MACROH2A2: variants seen among roughly 807,000 people sequenced by gnomAD.
MACROH2A2 encodes the protein core histone macro-H2A.2.
MACROH2A2 carries 6 observed loss-of-function variants against 37.6 expected under a neutral mutation model. The observed-to-expected ratio is 0.16, with a 90% confidence interval of 0.09 to 0.32. The LOEUF (loss-of-function observed/expected upper bound fraction) is 0.32, where lower values mean the gene tolerates loss of function less well. Ranked by LOEUF, MACROH2A2 falls within the 10% of genes least tolerant of loss-of-function variation. The pLI is 1.00. For missense variants in MACROH2A2, 290 were observed against 485.9 expected (o/e 0.60, Z 3.79); for synonymous variants, 192 against 202.7 (o/e 0.95, Z 0.45).
intron 7 of MACROH2A2, among the ~76,000 whole-genome samples, chr10:70,104,412 C>T (rs1348763722): frequency 1.3e-5 from 2 of 150,752 alleles, no homozygotes; most frequent in East Asian, 1.9e-4. Flanking sequence ...CATGGTGGCT[C>T]ACGCCTGTAA....
Position 70,053,411 on chromosome 10 carries a change from G to A in MACROH2A2, c.-60+411G>A, listed in dbSNP as rs1469731236. 6.6e-6 allele frequency among the ~76,000 whole-genome samples: 1 copy of A among 151,836 alleles called. No homozygotes were observed. The highest frequency in any genetic ancestry group is 1.5e-5 in the Non-Finnish European group (1 of 67,880). Reference sequence around the variant, plus strand: ...GACGGAGGCGCCCGGCCGCCGATGGGCACGGGGCGATGGGTGGGGGGCTGC... The same window carrying A: ...GACGGAGGCGCCCGGCCGCCGATGGACACGGGGCGATGGGTGGGGGGCTGC... On this transcript the variant is annotated intron_variant, in intron 1 of 8. Transcript: ENST00000373255. The surrounding 1 kb of genome is among the most constrained non-coding windows in gnomAD (Gnocchi z 4.8).
chr10:70,068,173 T>C (rs2072089588), intron 1 of MACROH2A2, among the ~76,000 whole-genome samples: 1 of 152,230 alleles, frequency 6.6e-6, no homozygotes, highest in South Asian at 2.1e-4. Context: ...TTAAATAATT[T>C]CTTTAACTTT....
Position 70,108,063 on chromosome 10 carries a change from T to A in MACROH2A2, c.779-970T>A, listed in dbSNP as rs549819818. On this transcript the variant is annotated intron_variant, in intron 7 of 8. Transcript: ENST00000373255. ...GCAAAACCTCATCTCTATAAAAAAA[T>A]TTTAAAAATTAGCACATGCCTGTAA... is the stretch of plus-strand genomic sequence containing the variant. Among the ~76,000 whole-genome samples, 5 of 151,942 alleles carry A rather than the reference T, an allele frequency of 3.3e-5. No individual in the cohort carries two copies. In the East Asian group the frequency reaches 7.8e-4, roughly 24 times the overall value.
intron 2 of MACROH2A2, among the ~76,000 whole-genome samples, chr10:70,080,171 C>T (rs2072166873): frequency 6.6e-6 from 1 of 151,472 alleles, no homozygotes; most frequent in Non-Finnish European, 1.5e-5. Context: ...CCCAGCTACT[C>T]GTGAGGCTGA....
At chr10:70,103,299 C>T (rs1390098932) in intron 7 of MACROH2A2, among the ~76,000 whole-genome samples, 1 of 152,156 alleles carries the variant, frequency 6.6e-6, no homozygotes, top group African/African-American at 2.4e-5. Context: ...TCCCCAGAAA[C>T]TGCCTGATAG....
chr10:70,079,561 G>GCGCGCGCGCGCA, intron 2 of MACROH2A2, among the ~76,000 whole-genome samples: 1 of 83,722 alleles, frequency 1.2e-5, no homozygotes, highest in South Asian at 4.1e-4. Flanking sequence ...TCGCGCGCGC[G>GCGCGCGCGCGCA]CGCGCACACA....
intron 2 of MACROH2A2, among the ~76,000 whole-genome samples, chr10:70,088,875 G>T (rs1349845878): frequency 6.6e-6 from 1 of 152,202 alleles, no homozygotes; most frequent in Non-Finnish European, 1.5e-5. Flanking sequence ...AGGCCCAGGC[G>T]GGTGGATCAC....
chr10:70,081,920 C>T (rs1162312218), intron 2 of MACROH2A2, among the ~76,000 whole-genome samples: 1 of 152,230 alleles, frequency 6.6e-6, no homozygotes, highest in African/African-American at 2.4e-5. Flanking sequence ...AATTATTACA[C>T]ATTTAATGCC....
At chr10:70,090,289 A>G in intron 3 of MACROH2A2, 123 bp downstream of exon 3, 1 of 663,192 alleles carries the variant, frequency 1.5e-6, no homozygotes, top group Non-Finnish European at 2.7e-6. Flanking sequence ...AAAAAAACTC[A>G]GGCCATATAA....
intron 1 of MACROH2A2, among the ~76,000 whole-genome samples, chr10:70,058,939 A>G (rs1156297726): frequency 6.6e-6 from 1 of 151,942 alleles, no homozygotes; most frequent in African/African-American, 2.4e-5. Context: ...ACTAAACTGA[A>G]TTTTCACCTC....
chr10:70,078,344 C>A (rs1196881266), intron 2 of MACROH2A2, among the ~76,000 whole-genome samples: 1 of 152,216 alleles, frequency 6.6e-6, no homozygotes, highest in Admixed American at 6.5e-5. Context: ...CTCCTGCCCC[C>A]GGCCAGTCCC....
intron 2 of MACROH2A2, among the ~76,000 whole-genome samples, chr10:70,088,301 T>C (rs1205162255): frequency 6.6e-6 from 1 of 151,630 alleles, no homozygotes; most frequent in Non-Finnish European, 1.5e-5. Flanking sequence ...ATGCACACTT[T>C]CCCCCCTCAT....
At chr10:70,085,522 C>T (rs138957071) in intron 2 of MACROH2A2, among the ~76,000 whole-genome samples, 22 of 152,276 alleles carry the variant, frequency 1.4e-4, no homozygotes, top group African/African-American at 5.1e-4. Context: ...CCTGTCCCAA[C>T]CCTATAATTA....
rs774639581 is a variant in MACROH2A2, at chr10:70,075,623, A to G, written c.-36A>G. 6.8e-6 allele frequency: 11 copies of G among 1,606,382 alleles called. No homozygotes were observed. The highest frequency in any genetic ancestry group is 8.5e-6 in the Non-Finnish European group (10 of 1,173,410). ...AGCATTGTGTTAGTGCCGGGAGGCC[A>G]CTGTGTCAGCAAGCTGAGAGGGAAA... On this transcript the variant is annotated 5_prime_UTR_variant, in exon 2 of 9. Transcript: ENST00000373255. This position sits in a 1 kb window ranked among gnomAD's most constrained non-coding sequence, Gnocchi z 5.0.
Position 70,107,406 on chromosome 10 carries a change from G to C in MACROH2A2, c.779-1627G>C, listed in dbSNP as rs189434239. 6.6e-6 allele frequency among the ~76,000 whole-genome samples: 1 copy of C among 152,364 alleles called. No individual in the cohort carries two copies. The highest frequency in any genetic ancestry group is 2.4e-5 in the African/African-American group (1 of 41,586). Reference sequence around the variant, plus strand: ...TGGAATACGGCGGACACACGTTTCTGTTACAAGTGCTGCCCCTAGTGGCCA... The same window carrying C: ...TGGAATACGGCGGACACACGTTTCTCTTACAAGTGCTGCCCCTAGTGGCCA... On this transcript the variant is annotated intron_variant, in intron 7 of 8. Transcript: ENST00000373255. This position sits in a 1 kb window ranked among gnomAD's most constrained non-coding sequence, Gnocchi z 4.4.
chr10:70,111,459 A>T (rs2072373995), intron 8 of MACROH2A2, 59 bp from the exon 9 acceptor site: 1 of 1,499,640 alleles, frequency 6.7e-7, no homozygotes, highest in Non-Finnish European at 9.2e-7. Flanking sequence ...AAGGCACTTC[A>T]TGCTCCCATG....
At chr10:70,061,970 T>C (rs1044239200) in intron 1 of MACROH2A2, among the ~76,000 whole-genome samples, 5 of 152,222 alleles carry the variant, frequency 3.3e-5, no homozygotes, top group Admixed American at 2.0e-4. Flanking sequence ...ACTATAATGA[T>C]TTGCCCTTGG....
At chr10:70,102,220 C>T (rs2072310767) in intron 7 of MACROH2A2, among the ~76,000 whole-genome samples, 1 of 152,200 alleles carries the variant, frequency 6.6e-6, no homozygotes, top group South Asian at 2.1e-4. Flanking sequence ...GGGTGGGACA[C>T]AGAGGGCAAT....
chr10:70,106,280 A>G (rs969408463), intron 7 of MACROH2A2, among the ~76,000 whole-genome samples: 1 of 152,194 alleles, frequency 6.6e-6, no homozygotes, highest in Non-Finnish European at 1.5e-5. Context: ...CATTATGTGG[A>G]TAGGTGCTTA....
Sources: gnomAD v4.1 joint callset for allele counts (sites outside exome capture counted in the v4.1 genomes callset) on GRCh38, gnomAD v4.1.1 for gene constraint, Gnocchi (gnomAD v3.1) non-coding constraint, MANE v1.5 for transcripts, NCBI Gene and HGNC (gene_info 2026-07-23, HGNC 2026-07-21) for gene names.